Variants in PCDHA9 observed in about 807,000 individuals in gnomAD.
PCDHA9 encodes the protein protocadherin alpha 9, also known as protocadherin alpha-9.
PCDHA9 carries 62 observed loss-of-function variants against 62.0 expected under a neutral mutation model. The ratio of observed to expected loss-of-function variants is 1.00; its 90% CI spans 0.81 to 1.23. The LOEUF is 1.23. Ranked by LOEUF, PCDHA9 falls within the 50% of genes most tolerant of loss-of-function variation. PCDHA9 has a pLI of 0.00. For synonymous variants in PCDHA9, 557 were observed against 567.6 expected (o/e 0.98, Z 0.27); for missense variants, 1,205 against 1,249.8 (o/e 0.96, Z 0.54).
chr5:140,873,592 T>A (rs936003894), intron 1 of PCDHA9, among the ~76,000 whole-genome samples: 3 of 152,234 alleles, frequency 2.0e-5, no homozygotes, highest in African/African-American at 7.2e-5. Flanking sequence ...TAAGCTAAAC[T>A]TAGATGTTCC....
At chr5:140,956,650 GATGCTGGCCTTA>G (rs2095299191) in intron 1 of PCDHA9, among the ~76,000 whole-genome samples, 1 of 152,154 alleles carries the variant, frequency 6.6e-6, no homozygotes, top group Non-Finnish European at 1.5e-5. Context: ...GTATCAGGAT[GATGCTGGCCTTA>G]AAGGAGTTAG....
intron 3 of PCDHA9, among the ~76,000 whole-genome samples, chr5:140,985,238 A>G (rs2097143387): frequency 1.3e-5 from 2 of 152,120 alleles, no homozygotes; most frequent in Non-Finnish European, 2.9e-5. Context: ...CGCCTGGCCT[A>G]ATCTTCTTAC....
chr5:140,853,241 T>C (rs1032355023), intron 1 of PCDHA9: 4 of 978,568 alleles, frequency 4.1e-6, no homozygotes, highest in Admixed American at 6.3e-5. Context: ...TCCTTCATAT[T>C]AATCTCTATT....
intron 1 of PCDHA9, chr5:140,875,435 A>G (rs1562696598): frequency 6.4e-7 from 1 of 1,563,788 alleles, no homozygotes; most frequent in East Asian, 2.3e-5. Context: ...GATCCCTTAA[A>G]ACTGATTGTC....
chr5:140,883,771 G>A (rs782418376), intron 1 of PCDHA9: 11 of 1,612,346 alleles, frequency 6.8e-6, no homozygotes, highest in African/African-American at 1.3e-5. Context: ...GGGTGGGCGA[G>A]CGTGCGCTGT....
chr5:140,989,758 T>C (rs1554251084), intron 3 of PCDHA9, among the ~76,000 whole-genome samples: 1 of 152,188 alleles, frequency 6.6e-6, no homozygotes, highest in African/African-American at 2.4e-5. Flanking sequence ...GAGAAACATA[T>C]TCAGTTCAAG....
At chr5:140,892,894 TC>T (rs1198816126) in intron 1 of PCDHA9, among the ~76,000 whole-genome samples, 8 of 152,158 alleles carry the variant, frequency 5.3e-5, no homozygotes, top group Non-Finnish European at 7.4e-5. Context: ...AACCAACCTT[TC>T]CCCATCCTCC....
chr5:140,966,813 T>C (rs2096057002), intron 1 of PCDHA9: 2 of 1,551,874 alleles, frequency 1.3e-6, no homozygotes, highest in Non-Finnish European at 8.7e-7. Context: ...CATCCACGGC[T>C]CCGGCGGCCC....
At chr5:140,895,525 T>G (rs1172545825) in intron 1 of PCDHA9, among the ~76,000 whole-genome samples, 1 of 152,196 alleles carries the variant, frequency 6.6e-6, no homozygotes, top group Non-Finnish European at 1.5e-5. Context: ...GGTTTATTCG[T>G]TTTTCAATTG....
chr5:140,936,798 T>C (rs2091152803), intron 1 of PCDHA9, among the ~76,000 whole-genome samples: 1 of 152,240 alleles, frequency 6.6e-6, no homozygotes, highest in Admixed American at 6.5e-5. Context: ...TGCTTCAAGA[T>C]TAACTTAGCT....
chr5:140,918,833 G>A (rs2078883719), intron 1 of PCDHA9, among the ~76,000 whole-genome samples: 1 of 152,084 alleles, frequency 6.6e-6, no homozygotes, highest in African/African-American at 2.4e-5. Context: ...CCCCTCCCCA[G>A]ACACTAAATC....
At chr5:140,876,709 C>T (rs782033453) in intron 1 of PCDHA9, 1 of 1,614,248 alleles carries the variant, frequency 6.2e-7, no homozygotes, top group Non-Finnish European at 8.5e-7. Context: ...GGACAGCGCC[C>T]TGGACCGCGA....
chr5:140,997,124 C>T (rs933067358), intron 3 of PCDHA9, among the ~76,000 whole-genome samples: 2 of 152,074 alleles, frequency 1.3e-5, no homozygotes, highest in Non-Finnish European at 2.9e-5. Context: ...CCCACATACA[C>T]AATGCCCCCA....
chr5:140,998,836 T>C (rs1388208720), intron 3 of PCDHA9, among the ~76,000 whole-genome samples: 2 of 152,254 alleles, frequency 1.3e-5, no homozygotes, highest in Non-Finnish European at 2.9e-5. Context: ...AGTGCTGGAT[T>C]ACTGGTGTGA....
At chr5:140,942,364 A>AT (rs1401660324) in intron 1 of PCDHA9, among the ~76,000 whole-genome samples, 1 of 152,040 alleles carries the variant, frequency 6.6e-6, no homozygotes, top group Non-Finnish European at 1.5e-5. Context: ...GTTAACGGAG[A>AT]TTGCACCACT....
chr5:140,890,565 T>C (rs1381687393), intron 1 of PCDHA9, among the ~76,000 whole-genome samples: 1 of 152,194 alleles, frequency 6.6e-6, no homozygotes, highest in Non-Finnish European at 1.5e-5. Context: ...TATTGTTCCA[T>C]TTCCTTCTGT....
At position 141,010,553 on chromosome 5, in the gene PCDHA9, C is replaced by T; in HGVS notation, c.*616C>T. ...CCACCCTCTAGGAGACAAAACTACC[C>T]CCACTGACAAGGCTTTAGGAGACCC... is the stretch of plus-strand genomic sequence containing the variant. On this transcript the variant is annotated 3_prime_UTR_variant, in exon 4 of 4. Transcript: ENST00000532602. The T allele has an allele frequency of 6.2e-6, 2 of 323,850 alleles. No homozygotes were observed. The highest frequency in any genetic ancestry group is 1.1e-5 in the Non-Finnish European group (2 of 176,368). 20.1% of individuals were successfully genotyped at this position (323,850 alleles called of 1,614,324 possible). A position where few individuals can be genotyped will look rare whatever the true frequency, so the allele number is the denominator to read the frequency against.
chr5:140,963,221 T>C (rs2095749324), intron 1 of PCDHA9, among the ~76,000 whole-genome samples: 1 of 151,808 alleles, frequency 6.6e-6, no homozygotes, highest in Admixed American at 6.6e-5. Context: ...GTGTTTAGAG[T>C]AGACACTGTT....
intron 3 of PCDHA9, among the ~76,000 whole-genome samples, chr5:140,986,342 C>G (rs1390823261): frequency 4.6e-5 from 7 of 152,184 alleles, no homozygotes; most frequent in African/African-American, 1.7e-4. Flanking sequence ...ACAGTTGCAG[C>G]CTCTTCTTCA....
Sources: allele counts gnomAD v4.1 joint callset (sites outside exome capture counted in the v4.1 genomes callset), GRCh38; gene constraint gnomAD v4.1.1; transcripts MANE v1.5; gene names NCBI Gene and HGNC (gene_info 2026-07-23, HGNC 2026-07-21).